Variants in CLDN14 observed in about 807,000 individuals in gnomAD.
CLDN14 encodes the protein claudin 14, also known as claudin-14.
CLDN14 carries 2 observed loss-of-function variants against 2.1 expected under a neutral mutation model. The observed-to-expected ratio is 0.96, with a 90% CI of 0.39 to 3.01. The LOEUF (loss-of-function observed/expected upper bound fraction) is 3.01, where lower values mean the gene tolerates loss of function less well. Ranked by LOEUF, CLDN14 falls within the 30% of genes most tolerant of loss-of-function variation. The probability of loss-of-function intolerance (pLI) is 0.09; values close to 1 mark genes in which losing one functional copy is unlikely to be tolerated. For synonymous variants in CLDN14, 136 were observed against 154.4 expected, an observed-to-expected ratio of 0.88 and a Z score of 0.88; for missense variants, 298 against 328.0, an observed-to-expected ratio of 0.91 and a Z score of 0.71.
At chr21:36,543,866 C>A (rs2087509581) in intron 1 of CLDN14, among the ~76,000 whole-genome samples, 1 of 152,214 alleles carries the variant, frequency 6.6e-6, no homozygotes, top group Non-Finnish European at 1.5e-5. Context: ...ACAGCCACCC[C>A]CATACTGTGG....
chr21:36,483,456 G>T (rs1346563952), upstream of CLDN14, among the ~76,000 whole-genome samples: 3 of 152,260 alleles, frequency 2.0e-5, no homozygotes, highest in Admixed American at 6.5e-5. Context: ...CTGACCCTTT[G>T]TCTGGGGTCA....
intron 2 of CLDN14, among the ~76,000 whole-genome samples, chr21:36,507,860 A>G (rs7281159): frequency 0.047 from 7,134 of 152,294 alleles, 559 homozygotes; most frequent in African/African-American, 0.16. Context: ...CAAACGGGAC[A>G]CACACATTTC....
At chr21:36,489,131 AATAT>A (rs1555847001) in intron 2 of CLDN14, among the ~76,000 whole-genome samples, 91 of 62,732 alleles carry the variant, frequency 1.5e-3, no homozygotes, top group South Asian at 4.8e-3. Context: ...AAAAAAAAAA[AATAT>A]ATATATATAT....
At chr21:36,537,744 G>T (rs1347431014) in intron 1 of CLDN14, among the ~76,000 whole-genome samples, 1 of 150,408 alleles carries the variant, frequency 6.6e-6, no homozygotes, top group East Asian at 2.0e-4. Flanking sequence ...CCACTTCCTG[G>T]GTTCAAGCAA....
Position 36,552,738 on chromosome 21 carries a change from A to AC in CLDN14, c.-220+23672dup, listed in dbSNP as rs35631055. Among the ~76,000 whole-genome samples the AC allele has an allele frequency of 3.5e-3, 524 of 150,150 alleles. 2 individuals are homozygous for AC. Among genetic ancestry groups the AC allele is most frequent in the East Asian group, 0.026 (130 of 5,090 alleles). On this transcript the variant is annotated intron_variant, in intron 1 of 2. Transcript: ENST00000342108. ...AAATCTTCCTGAATTGGAAAAAAAAACTCTCTATTTTCTAGAATGAATGCA... is the reference window on the plus strand; with the variant it reads ...AAATCTTCCTGAATTGGAAAAAAAAACCTCTCTATTTTCTAGAATGAATGCA...
intron 1 of CLDN14, among the ~76,000 whole-genome samples, chr21:36,523,142 T>C (rs1461630107): frequency 6.6e-6 from 1 of 152,018 alleles, no homozygotes; most frequent in Admixed American, 6.6e-5. Flanking sequence ...CGCCCAGGAG[T>C]CCCAGACTTG....
Position 36,538,872 on chromosome 21 carries a change from G to T in CLDN14, c.-219-28372C>A, listed in dbSNP as rs1354498171. ...AACTCAGGAATGGGCAGACATAACG[G>T]CATAGGGAGACCTGTACGAGTCACC... is the stretch of plus-strand genomic sequence containing the variant. On this transcript the variant is annotated intron_variant, in intron 1 of 2. Transcript: ENST00000342108. Among the ~76,000 whole-genome samples, 3 of 152,272 alleles carry T rather than the reference G, an allele frequency of 2.0e-5. No individual in the cohort carries two copies. The East Asian group carries it at 5.8e-4, about 29-fold the overall frequency.
intron 1 of CLDN14, chr21:36,542,524 A>T (rs1426019741): frequency 1.3e-5 from 2 of 152,372 alleles, no homozygotes; most frequent in Non-Finnish European, 2.9e-5. Flanking sequence ...AAAAGTCCCG[A>T]GGCTGGCAGT....
intron 1 of CLDN14, among the ~76,000 whole-genome samples, chr21:36,568,105 C>A (rs143202891): frequency 1.3e-5 from 2 of 152,098 alleles, no homozygotes; most frequent in South Asian, 4.2e-4. Flanking sequence ...TATTAAAGGA[C>A]AAGTGGGAGG....
intron 1 of CLDN14, among the ~76,000 whole-genome samples, chr21:36,523,781 GAGAAAGAAAGAAAGAA>G (rs56772352): frequency 0.11 from 4,240 of 38,416 alleles, 596 homozygotes; most frequent in African/African-American, 0.16. Context: ...GAGAGAAAGA[GAGAAAGAAAGAAAGAA>G]AGAAAGAAAG....
At chr21:36,486,533 G>T in intron 2 of CLDN14, 1 of 1,563,272 alleles carries the variant, frequency 6.4e-7, no homozygotes, top group Non-Finnish European at 8.8e-7. Flanking sequence ...CCCTTCCCCA[G>T]CCAAAATCGG....
intron 2 of CLDN14, among the ~76,000 whole-genome samples, chr21:36,501,703 T>C (rs1272405416): frequency 6.6e-6 from 1 of 152,188 alleles, no homozygotes; most frequent in Non-Finnish European, 1.5e-5. Context: ...GGGTGGAGAC[T>C]GGGAGGCTCT....
chr21:36,521,718 G>A lies in CLDN14; in HGVS notation c.-219-11218C>T, dbSNP rs530933544. 2.6e-5 allele frequency among the ~76,000 whole-genome samples: 4 copies of A among 152,260 alleles called. No homozygotes were observed. The East Asian group carries it at 5.8e-4, about 22-fold the overall frequency. On this transcript the variant is annotated intron_variant, in intron 1 of 2. Coordinates refer to the CLDN14 transcript ENST00000342108. ...GGGAGTAGGGGCCGGGACATAGACTGGAGAAGGCAAATGGTACCACCTGAT... is the reference window on the plus strand; with the variant it reads ...GGGAGTAGGGGCCGGGACATAGACTAGAGAAGGCAAATGGTACCACCTGAT...
At chr21:36,515,804 T>TTTTTTTTTTTA (rs2087224445) in intron 1 of CLDN14, among the ~76,000 whole-genome samples, 3 of 143,538 alleles carry the variant, frequency 2.1e-5, no homozygotes, top group African/African-American at 7.7e-5. Flanking sequence ...TTTTTTTTTT[T>TTTTTTTTTTTA]GAGACAGAGT....
At chr21:36,523,781 G>GAGAGAGAGAGAGAGAAAGAAAGAAAGAA (rs1568868851) in intron 1 of CLDN14, among the ~76,000 whole-genome samples, 3 of 38,340 alleles carry the variant, frequency 7.8e-5, no homozygotes, top group African/African-American at 2.2e-4. Context: ...GAGAGAAAGA[G>GAGAGAGAGAGAGAGAAAGAAAGAAAGAA]AGAAAGAAAG....
intron 1 of CLDN14, among the ~76,000 whole-genome samples, chr21:36,518,986 C>T (rs1369001861): frequency 6.6e-6 from 1 of 152,182 alleles, no homozygotes; most frequent in African/African-American, 2.4e-5. Flanking sequence ...AGTGAAAAGC[C>T]AGAAGCTTCT....
At chr21:36,513,141 C>G (rs1381939133) in intron 1 of CLDN14, among the ~76,000 whole-genome samples, 1 of 152,204 alleles carries the variant, frequency 6.6e-6, no homozygotes, top group East Asian at 1.9e-4. Context: ...CATCCCATCC[C>G]ATCCCTCTGC....
rs1396504428 is a variant in CLDN14, at chr21:36,480,023, T to A, written c.-610A>T. 1 of 152,356 alleles carries A rather than the reference T, an allele frequency of 6.6e-6. No homozygotes were observed. The highest frequency in any genetic ancestry group is 1.9e-4 in the East Asian group (1 of 5,194). The allele number at this position is 152,356 out of a possible 1,614,324, so 9.4% of individuals were successfully genotyped here. ...TTGTAGATTACTAAAAATCCACAGC[T>A]CATTCCCTCCTGCGCCCTGACCACC... On this transcript the variant is annotated 5_prime_UTR_variant, in exon 1 of 2. Coordinates refer to ENST00000399135, the MANE Select transcript of CLDN14 (RefSeq NM_001146079.2).
intron 1 of CLDN14, among the ~76,000 whole-genome samples, chr21:36,472,628 G>C (rs2086724007): frequency 6.6e-6 from 1 of 152,160 alleles, no homozygotes. Context: ...GTCTCCATCA[G>C]CTCAGGCTGC....
Sources: gnomAD v4.1 joint callset for allele counts (sites outside exome capture counted in the v4.1 genomes callset) on GRCh38, gnomAD v4.1.1 for gene constraint, MANE v1.5 for transcripts, NCBI Gene and HGNC (gene_info 2026-07-23, HGNC 2026-07-21) for gene names.